The following RPS29 variants were observed in gnomAD, a reference collection of about 807,000 sequenced individuals.
The protein encoded by RPS29 is small ribosomal subunit protein uS14.
For missense variants in RPS29, 60 were observed against 75.7 expected (o/e 0.79, Z 0.77); for synonymous variants, 37 against 26.9 (o/e 1.37, Z -1.16).
chr14:49,595,784 G>A lies in RPS29; in HGVS notation c.-133+2616C>T, dbSNP rs568790847. Among the ~76,000 whole-genome samples, 111 of 152,150 alleles carry A rather than the reference G, an allele frequency of 7.3e-4. 1 individual carries two copies. The highest frequency in any genetic ancestry group is 2.6e-3 in the African/African-American group (106 of 41,556). ...TCCCAGCACTTTGGGAGGCTGGGGC[G>A]GGTGGATCACCAGAGGTCAGGAGTT... On this transcript the variant is annotated intron_variant, in intron 1 of 3. Transcript: ENST00000556230.
chr14:49,586,000 T>A lies in RPS29; in HGVS notation c.112A>T (p.Met38Leu). 6.8e-6 allele frequency: 11 copies of A among 1,613,944 alleles called. No individual in the cohort carries two copies. Among genetic ancestry groups the A allele is most frequent in the Non-Finnish European group, 9.3e-6 (11 of 1,179,866 alleles). ...HGLIRKYGLN[M>L]CRQCFRQYAK... ...TACTGACGGAAACACTGGCGGCACA[T>A]ATTGAGGCCATATTTCCGGATCAGA... The change falls in exon 2 of 3, where the codon ATG (methionine) becomes TTG (leucine). Residue 38 changes from methionine to leucine, a missense_variant. Physicochemically the swap from Met to Leu is conservative, Grantham distance 15. Coordinates refer to ENST00000245458, the MANE Select transcript of RPS29 (RefSeq NM_001032.5).
upstream of RPS29, chr14:49,586,385 T>C (rs777060078): frequency 3.2e-6 from 5 of 1,581,318 alleles, no homozygotes; most frequent in Middle Eastern, 1.7e-4. Context: ...AGGAAGAAGC[T>C]GGCCCACGCA....
At chr14:49,597,135 A>G (rs4900939) in intron 1 of RPS29, among the ~76,000 whole-genome samples, 29,642 of 151,984 alleles carry the variant, frequency 0.2, 3,164 homozygotes, top group Admixed American at 0.28. Flanking sequence ...GCTGGTCTCC[A>G]ACTCCCGACC....
At chr14:49,584,567 C>A (rs886902794) in intron 2 of RPS29, among the ~76,000 whole-genome samples, 11 of 152,084 alleles carry the variant, frequency 7.2e-5, no homozygotes, top group Non-Finnish European at 1.6e-4. Context: ...GACCTCAAGA[C>A]CAGCTTGGCC....
chr14:49,577,034 G>A (rs1881201183), exon 3 of RPS29: 1 of 152,276 alleles, frequency 6.6e-6, no homozygotes, highest in African/African-American at 2.4e-5. Flanking sequence ...TTGAGGTCAG[G>A]AGTTCGAAAC....
downstream of RPS29, among the ~76,000 whole-genome samples, chr14:49,581,096 A>C (rs1221988720): frequency 1.3e-5 from 2 of 152,120 alleles, no homozygotes; most frequent in African/African-American, 4.8e-5. Context: ...CTGAGGCAGG[A>C]GAATTGCTTG....
chr14:49,586,370 G>T lies in RPS29; in HGVS notation c.-24C>A. ...ATCTTGCTCTCAGCAGTGCAACGAGGTAAAAGGAAGAAGCTGGCCCACGCA... is the reference window on the plus strand; with the variant it reads ...ATCTTGCTCTCAGCAGTGCAACGAGTTAAAAGGAAGAAGCTGGCCCACGCA... On this transcript the variant is annotated 5_prime_UTR_variant, in exon 1 of 3. Coordinates refer to ENST00000245458, the MANE Select transcript of RPS29 (RefSeq NM_001032.5). The T allele has an allele frequency of 6.2e-7, 1 of 1,610,104 alleles. No homozygotes were observed. Among genetic ancestry groups the T allele is most frequent in the Non-Finnish European group, 8.5e-7 (1 of 1,176,260 alleles).
chr14:49,584,491 G>A (rs1471434180), intron 2 of RPS29, among the ~76,000 whole-genome samples: 1 of 152,198 alleles, frequency 6.6e-6, no homozygotes, highest in African/African-American at 2.4e-5. Flanking sequence ...CAGACAGGGC[G>A]CCGTGGATCA....
At chr14:49,576,977 C>A (rs1881199773) in exon 3 of RPS29, 1 of 152,236 alleles carries the variant, frequency 6.6e-6, no homozygotes, top group Non-Finnish European at 1.5e-5. Context: ...TGAACTAATA[C>A]AAGCCTGTGA....
At position 49,594,856 on chromosome 14, in the gene RPS29, C is replaced by A. The variant is rs981759840; in HGVS notation, c.-133+3544G>T. On this transcript the variant is annotated intron_variant, in intron 1 of 3. Coordinates refer to the RPS29 transcript ENST00000556230. ...AAGAACACTTGCCCAGTAACAGCAT[C>A]TCCACCAATGAACTGATGACAGCTC... 5.3e-5 allele frequency among the ~76,000 whole-genome samples: 8 copies of A among 152,338 alleles called. No homozygotes were observed. The East Asian group carries it at 1.3e-3, about 26-fold the overall frequency.
intron 2 of RPS29, among the ~76,000 whole-genome samples, chr14:49,585,081 T>G (rs181908183): frequency 6.6e-6 from 1 of 151,638 alleles, no homozygotes; most frequent in African/African-American, 2.4e-5. Context: ...TTCAAACATT[T>G]TGGGTTGGCC....
intron 1 of RPS29, among the ~76,000 whole-genome samples, chr14:49,597,188 A>G (rs1473769958): frequency 6.6e-6 from 1 of 152,154 alleles, no homozygotes; most frequent in African/African-American, 2.4e-5. Flanking sequence ...TGCTGGGATT[A>G]CAGTCGTGAG....
upstream of RPS29, among the ~76,000 whole-genome samples, chr14:49,587,890 G>C (rs191149078): frequency 1.4e-4 from 21 of 152,352 alleles, no homozygotes; most frequent in Non-Finnish European, 2.4e-4. Flanking sequence ...CCTGGTGAAA[G>C]GAAGCGCTTG....
At chr14:49,584,770 A>C (rs899559496) in intron 2 of RPS29, among the ~76,000 whole-genome samples, 32 of 144,908 alleles carry the variant, frequency 2.2e-4, no homozygotes, top group African/African-American at 7.7e-4. Flanking sequence ...TCAAAACAAA[A>C]AAAAAAATTT....
At chr14:49,593,275 A>T (rs1594578282) in intron 1 of RPS29, among the ~76,000 whole-genome samples, 1 of 152,244 alleles carries the variant, frequency 6.6e-6, no homozygotes, top group Admixed American at 6.5e-5. Flanking sequence ...GGCTTTGCAT[A>T]TAACAGTAAT....
At chr14:49,587,358 A>T (rs1461733764), upstream of RPS29, among the ~76,000 whole-genome samples, 1 of 152,260 alleles carries the variant, frequency 6.6e-6, no homozygotes, top group African/African-American at 2.4e-5. Flanking sequence ...CTGCTGAAAG[A>T]TACCTACATT....
At chr14:49,591,452 C>G (rs12147930) in intron 1 of RPS29, among the ~76,000 whole-genome samples, 2,412 of 152,110 alleles carry the variant, frequency 0.016, 35 homozygotes, top group Middle Eastern at 0.024. Flanking sequence ...GCTGGGATTA[C>G]AGGCGCATGT....
chr14:49,571,551 T>G (rs1163642851), exon 3 of RPS29: 1 of 152,206 alleles, frequency 6.6e-6, no homozygotes, highest in Non-Finnish European at 1.5e-5. Flanking sequence ...ACCATGTGAT[T>G]ACATAGCTGG....
At chr14:49,583,736 CAA>C in intron 2 of RPS29, 61 bp from the exon 3 acceptor site, 3 of 1,043,488 alleles carry the variant, frequency 2.9e-6, no homozygotes, top group East Asian at 2.4e-5. Context: ...TTGATTCTCA[CAA>C]AAAAAAGGCT....
Sources: gnomAD v4.1 joint callset for allele counts (sites outside exome capture counted in the v4.1 genomes callset) on GRCh38, gnomAD v4.1.1 for gene constraint, MANE v1.5 for transcripts, NCBI Gene and HGNC (gene_info 2026-07-23, HGNC 2026-07-21) for gene names.